Variants in MBP observed in about 807,000 individuals in gnomAD.
The protein encoded by MBP is Golli-MBP.
MBP carries 16 observed loss-of-function variants against 35.8 expected under a neutral mutation model. The ratio of observed to expected loss-of-function variants is 0.45; its 90% CI spans 0.30 to 0.68. The LOEUF (loss-of-function observed/expected upper bound fraction) is 0.68, where lower values mean the gene tolerates loss of function less well. Among genes scored for constraint, MBP ranks in the 30% least tolerant of loss-of-function variants. MBP has a pLI of 0.08. For synonymous variants in MBP, 143 were observed against 159.6 expected (o/e 0.90, Z 0.78); for missense variants, 380 against 404.7 (o/e 0.94, Z 0.52).
intron 3 of MBP, among the ~76,000 whole-genome samples, chr18:77,019,008 G>C (rs71360988): frequency 1.0e-4 from 8 of 79,354 alleles, no homozygotes; most frequent in Admixed American, 1.2e-4. Context: ...ATCCACTCAT[G>C]TATCCATCTA....
chr18:77,061,297 T>C (rs1481613054), intron 3 of MBP, among the ~76,000 whole-genome samples: 2 of 152,224 alleles, frequency 1.3e-5, no homozygotes, highest in African/African-American at 4.8e-5. Flanking sequence ...GTGATAAAAA[T>C]TTAAGCAGGA....
At chr18:77,007,037 G>A (rs1470834375) in intron 4 of MBP, among the ~76,000 whole-genome samples, 3 of 152,166 alleles carry the variant, frequency 2.0e-5, no homozygotes, top group African/African-American at 2.4e-5. Context: ...TCTTGGTTCC[G>A]ACTCTGCTGG....
chr18:77,018,804 T>G (rs1468427973), intron 3 of MBP, among the ~76,000 whole-genome samples: 1 of 121,166 alleles, frequency 8.3e-6, no homozygotes, highest in Non-Finnish European at 1.7e-5. Flanking sequence ...ATTTACCCAT[T>G]TATCCATCTA....
rs763551743 is a variant in MBP, at chr18:76,979,672, C to A, written c.*755G>T. 21 of 465,506 alleles carry A rather than the reference C, an allele frequency of 4.5e-5. No homozygotes were observed. Among genetic ancestry groups the A allele is most frequent in the Non-Finnish European group, 7.0e-5 (18 of 258,330 alleles). The allele number at this position is 465,506 out of a possible 1,614,324, so 28.8% of individuals were successfully genotyped here. A position where few individuals can be genotyped will look rare whatever the true frequency, so the allele number is the denominator to read the frequency against. On this transcript the variant is annotated 3_prime_UTR_variant, in exon 9 of 9. Transcript: ENST00000355994. Reference sequence around the variant, plus strand: ...TCCAGAGGCCACCTGCTTGACATCTCCATCACCAAATCTCCAGGAAGACCC... The same window carrying A: ...TCCAGAGGCCACCTGCTTGACATCTACATCACCAAATCTCCAGGAAGACCC...
At chr18:77,107,080 G>C (rs1436637337) in intron 1 of MBP, among the ~76,000 whole-genome samples, 2 of 152,198 alleles carry the variant, frequency 1.3e-5, no homozygotes, top group Admixed American at 1.3e-4. Flanking sequence ...CTAATTCCAT[G>C]TGGTGTTGTT....
intron 7 of MBP, 30 bp from the exon 8 acceptor site, chr18:76,984,924 C>G: frequency 6.2e-7 from 1 of 1,610,602 alleles, no homozygotes; most frequent in Non-Finnish European, 8.5e-7. Context: ...AGCTCAACCT[C>G]CACCCGCGGT....
chr18:76,986,093 G>C, intron 7 of MBP: 1 of 985,564 alleles, frequency 1.0e-6, no homozygotes, highest in Non-Finnish European at 1.2e-6. Context: ...TAACAATGGG[G>C]GGCGAAGTGT....
intron 3 of MBP, among the ~76,000 whole-genome samples, chr18:77,050,544 A>G (rs1973448161): frequency 1.3e-5 from 2 of 152,148 alleles, no homozygotes; most frequent in African/African-American, 2.4e-5. Flanking sequence ...GAAATGTTCT[A>G]TTAATTAATT....
At position 76,988,405 on chromosome 18, in the gene MBP, A is replaced by C. The variant is rs758209261; in HGVS notation, c.750+90T>G. 6.2e-7 allele frequency: 1 copy of C among 1,613,956 alleles called. No individual in the cohort carries two copies. Among genetic ancestry groups the C allele is most frequent in the East Asian group, 2.2e-5 (1 of 44,886 alleles). ...GAGAGGAGAGAAAAGGAGGCCAGGA[A>C]GCAACCGAAACAGAGCAGAACACAA... On this transcript the variant is annotated intron_variant, in intron 7 of 8. Transcript: ENST00000355994. The surrounding 1 kb of genome is among the most constrained non-coding windows in gnomAD (Gnocchi z 5.2).
chr18:76,992,498 T>G (rs1266668641), intron 4 of MBP, among the ~76,000 whole-genome samples: 2 of 152,138 alleles, frequency 1.3e-5, no homozygotes, highest in Non-Finnish European at 2.9e-5. Context: ...TAAACGTTTC[T>G]TGCCCTCACC....
intron 3 of MBP, among the ~76,000 whole-genome samples, chr18:77,058,488 G>A (rs185650815): frequency 1.3e-5 from 2 of 152,036 alleles, no homozygotes; most frequent in African/African-American, 2.4e-5. Context: ...CCCCAGGCCC[G>A]GGCACGACCC....
chr18:77,049,214 C>T (rs3934446), intron 3 of MBP, among the ~76,000 whole-genome samples: 77,944 of 150,926 alleles, frequency 0.52, 21,134 homozygotes, highest in Middle Eastern at 0.63. Flanking sequence ...CCACCGCACC[C>T]GGCCGAGGGC....
chr18:77,077,608 G>C (rs1974717244), intron 2 of MBP, among the ~76,000 whole-genome samples: 1 of 152,152 alleles, frequency 6.6e-6, no homozygotes, highest in Non-Finnish European at 1.5e-5. Context: ...GTTTTGCTGA[G>C]GGATTTAAGT....
chr18:77,048,545 T>G (rs1973349097), intron 3 of MBP, among the ~76,000 whole-genome samples: 1 of 106,044 alleles, frequency 9.4e-6, no homozygotes, highest in African/African-American at 3.8e-5. Flanking sequence ...CTTGGCTCAC[T>G]GCAACCTCCG....
Position 77,016,816 on chromosome 18 carries a change from A to G in MBP, c.576+16T>C, listed in dbSNP as rs142907876. 6,630 of 1,612,476 alleles carry G rather than the reference A, an allele frequency of 4.1e-3. 18 individuals carry two copies. The highest frequency in any genetic ancestry group is 4.7e-3 in the Non-Finnish European group (5,585 of 1,179,492). ...TTTCCATTTAAACTAAAACTCCTCTACTCCTCAGAGCTCACCTTGCCAGAG... is the reference window on the plus strand; with the variant it reads ...TTTCCATTTAAACTAAAACTCCTCTGCTCCTCAGAGCTCACCTTGCCAGAG... On this transcript the variant is annotated intron_variant, in intron 4 of 8. Coordinates refer to ENST00000355994, the MANE Select transcript of MBP (RefSeq NM_001025101.2).
At chr18:77,029,567 T>C (rs988202703) in intron 3 of MBP, among the ~76,000 whole-genome samples, 2 of 152,060 alleles carry the variant, frequency 1.3e-5, no homozygotes, top group Non-Finnish European at 2.9e-5. Context: ...CCTTCTGCCT[T>C]GGCCTCCCAA....
chr18:77,010,680 G>C (rs2123409911), intron 4 of MBP, among the ~76,000 whole-genome samples: 1 of 152,338 alleles, frequency 6.6e-6, no homozygotes, highest in East Asian at 1.9e-4. Flanking sequence ...GCAGGAGCAG[G>C]AGCTACGCAT....
intron 3 of MBP, among the ~76,000 whole-genome samples, chr18:77,039,235 A>G: frequency 6.6e-6 from 1 of 152,136 alleles, no homozygotes; most frequent in Non-Finnish European, 1.5e-5. Context: ...CCCTTTATGG[A>G]GAAAGCTTGC....
intron 2 of MBP, among the ~76,000 whole-genome samples, chr18:77,077,937 G>A (rs778094620): frequency 6.6e-6 from 1 of 152,206 alleles, no homozygotes; most frequent in Non-Finnish European, 1.5e-5. Flanking sequence ...ACAGGTAATG[G>A]AACCATCCCT....
Sources: gnomAD v4.1 joint callset for allele counts (sites outside exome capture counted in the v4.1 genomes callset) on GRCh38, gnomAD v4.1.1 for gene constraint, Gnocchi (gnomAD v3.1) non-coding constraint, MANE v1.5 for transcripts, NCBI Gene and HGNC (gene_info 2026-07-23, HGNC 2026-07-21) for gene names.